Variants in ATP9B observed in about 807,000 individuals in gnomAD.
ATP9B encodes the protein probable phospholipid-transporting ATPase IIB.
A neutral mutation model predicts 146.1 loss-of-function variants in ATP9B; 110 were observed. That is an observed-to-expected ratio of 0.75 (90% CI 0.65 to 0.88). The LOEUF (loss-of-function observed/expected upper bound fraction) is 0.88. Ranked by LOEUF, ATP9B falls within the 40% of genes least tolerant of loss-of-function variation. ATP9B has a pLI of 0.00. For missense variants in ATP9B, 1,499 were observed against 1,496.4 expected (o/e 1.00, Z -0.03); for synonymous variants, 604 against 569.7 (o/e 1.06, Z -0.86).
rs781354962 is a variant in ATP9B at position 79,377,397 on chromosome 18, C to G, written c.*14C>G. On this transcript the variant is annotated 3_prime_UTR_variant, in exon 30 of 30. Transcript: ENST00000426216. ...CTGGCCTCCTAAGGGGCTGTGCACC[C>G]CCAGCGGGCTGGCCCCAGCACCTTC... The G allele has an allele frequency of 8.1e-6, 13 of 1,604,820 alleles. No individual in the cohort carries two copies. The highest frequency in any genetic ancestry group is 9.3e-6 in the Non-Finnish European group (11 of 1,179,872).
intron 7 of ATP9B, among the ~76,000 whole-genome samples, chr18:79,171,917 C>G (rs1270443037): frequency 2.0e-5 from 3 of 150,492 alleles, no homozygotes; most frequent in African/African-American, 7.4e-5. Flanking sequence ...TAGATGGAGT[C>G]TTGCTCTGTC....
intron 27 of ATP9B, among the ~76,000 whole-genome samples, chr18:79,373,422 T>C (rs1319435820): frequency 1.3e-5 from 2 of 152,198 alleles, no homozygotes; most frequent in African/African-American, 4.8e-5. Flanking sequence ...TCCCATCTTA[T>C]TTTGTCCATA....
At chr18:79,278,582 G>A (rs76868243) in intron 13 of ATP9B, among the ~76,000 whole-genome samples, 4,916 of 152,190 alleles carry the variant, frequency 0.032, 118 homozygotes, top group Non-Finnish European at 0.042. Context: ...CTCAAAAGTA[G>A]AAATTCAGTA....
chr18:79,178,673 T>C (rs1342828049), intron 8 of ATP9B, among the ~76,000 whole-genome samples: 1 of 152,194 alleles, frequency 6.6e-6, no homozygotes, highest in African/African-American at 2.4e-5. Flanking sequence ...GTGGACTGAT[T>C]TCATATGTGT....
intron 9 of ATP9B, among the ~76,000 whole-genome samples, chr18:79,197,596 A>G (rs2095428402): frequency 6.6e-6 from 1 of 152,184 alleles, no homozygotes; most frequent in South Asian, 2.1e-4. Flanking sequence ...AACTGTGATA[A>G]GTAAAGGTTG....
intron 5 of ATP9B, among the ~76,000 whole-genome samples, chr18:79,127,020 A>G (rs1483351947): frequency 6.6e-6 from 1 of 152,230 alleles, no homozygotes; most frequent in Non-Finnish European, 1.5e-5. Context: ...AACCTTGGGA[A>G]TGAGGGAGAC....
Position 79,338,307 on chromosome 18 carries a change from A to G in ATP9B, c.2283+858A>G, listed in dbSNP as rs191346869. On this transcript the variant is annotated intron_variant, in intron 19 of 29. Transcript: ENST00000426216. The stretch of plus-strand genomic sequence containing the variant: ...GCCTGGACGTACAGGGCAGGTGCAA[A>G]GCTGCTTGTCCTCCCTCTGGCTCTT... 6.3e-3 allele frequency among the ~76,000 whole-genome samples: 962 copies of G among 152,264 alleles called. 12 individuals are homozygous for G. The highest frequency in any genetic ancestry group is 0.022 in the African/African-American group (925 of 41,556).
rs1304879263 is a variant in ATP9B, at chr18:79,118,384, G to GTTTTTTTTTTTTTT, written c.558+5035_558+5036insTTTTTTTTTTTTTT. Among the ~76,000 whole-genome samples, 10 of 73,490 alleles carry GTTTTTTTTTTTTTT rather than the reference G, an allele frequency of 1.4e-4. 2 individuals are homozygous for GTTTTTTTTTTTTTT. The highest frequency in any genetic ancestry group is 4.8e-4 in the African/African-American group (9 of 18,676). The allele number at this position is 73,490 out of a possible 152,430, so 48.2% of individuals were successfully genotyped here. A position where few individuals can be genotyped will look rare whatever the true frequency, so the allele number is the denominator to read the frequency against. On this transcript the variant is annotated intron_variant, in intron 4 of 29. Transcript: ENST00000426216. ...ATTTTAAAACACAATCATATTGAAC[G>GTTTTTTTTTTTTTT]TTTTTGTTTTTTTTTTTTTTTTTTT...
At chr18:79,296,096 G>A (rs929847786) in intron 13 of ATP9B, among the ~76,000 whole-genome samples, 1 of 152,158 alleles carries the variant, frequency 6.6e-6, no homozygotes, top group Non-Finnish European at 1.5e-5. Context: ...GCTCACTGCA[G>A]CCTCAAACTC....
intron 13 of ATP9B, among the ~76,000 whole-genome samples, chr18:79,295,887 C>A (rs2096544373): frequency 6.6e-6 from 1 of 152,252 alleles, no homozygotes; most frequent in Non-Finnish European, 1.5e-5. Context: ...GACACCAAAT[C>A]TCCTGGTGCC....
In ATP9B at chr18:79,096,350, G is replaced by A. The variant is rs937972110; in HGVS notation, c.120-126G>A. On this transcript the variant is annotated intron_variant, in intron 1 of 29. Coordinates refer to ENST00000426216, the MANE Select transcript of ATP9B (RefSeq NM_198531.5). Reference sequence around the variant, plus strand: ...TTTGCAAAAGAAAGCAGCCTCTGCAGTCTTATTTATAATGCTTTCCCTCAG... The same window carrying A: ...TTTGCAAAAGAAAGCAGCCTCTGCAATCTTATTTATAATGCTTTCCCTCAG... 15 of 906,474 alleles carry A rather than the reference G, an allele frequency of 1.7e-5. No individual in the cohort carries two copies. In the African/African-American group the frequency reaches 2.2e-4, roughly 13 times the overall value. The allele number at this position is 906,474 out of a possible 1,614,324, so 56.2% of individuals were successfully genotyped here.
rs114592853 is a variant in ATP9B at position 79,296,076 on chromosome 18, C to T, written c.1412-7528C>T. Reference sequence around the variant, plus strand: ...TGTGACTCAGGCTGGAGTGCAGTGTCGTGATCACAGCTCACTGCAGCCTCA... The same window carrying T: ...TGTGACTCAGGCTGGAGTGCAGTGTTGTGATCACAGCTCACTGCAGCCTCA... On this transcript the variant is annotated intron_variant, in intron 13 of 29. Coordinates refer to ENST00000426216, the MANE Select transcript of ATP9B (RefSeq NM_198531.5). Among the ~76,000 whole-genome samples the T allele has an allele frequency of 2.4e-3, 371 of 152,234 alleles. 1 individual carries two copies. The highest frequency in any genetic ancestry group is 8.0e-3 in the African/African-American group (334 of 41,504).
chr18:79,220,059 G>C (rs548698321), intron 11 of ATP9B, among the ~76,000 whole-genome samples: 1 of 152,312 alleles, frequency 6.6e-6, no homozygotes, highest in South Asian at 2.1e-4. Context: ...ATAGGCTGCT[G>C]GGCTGGTGCA....
intron 4 of ATP9B, among the ~76,000 whole-genome samples, chr18:79,121,347 A>G (rs2094186006): frequency 6.6e-6 from 1 of 152,234 alleles, no homozygotes; most frequent in African/African-American, 2.4e-5. Flanking sequence ...CCAGGATGAC[A>G]GTAGTTTAAA....
At chr18:79,179,444 G>A (rs1310789205) in intron 8 of ATP9B, among the ~76,000 whole-genome samples, 3 of 151,904 alleles carry the variant, frequency 2.0e-5, no homozygotes, top group Non-Finnish European at 1.5e-5. Context: ...GTTTACCTGT[G>A]TCACACAAAT....
intron 9 of ATP9B, among the ~76,000 whole-genome samples, chr18:79,201,063 T>C (rs948327254): frequency 6.6e-6 from 1 of 152,210 alleles, no homozygotes; most frequent in African/African-American, 2.4e-5. Flanking sequence ...TGTGGGAGGC[T>C]GTGCCACTCA....
At chr18:79,305,431 C>T (rs1025194390) in intron 14 of ATP9B, among the ~76,000 whole-genome samples, 5 of 152,046 alleles carry the variant, frequency 3.3e-5, no homozygotes, top group African/African-American at 1.2e-4. Flanking sequence ...AACAAACATA[C>T]GTACACAGCC....
Position 79,162,980 on chromosome 18 carries a change from G to C in ATP9B, c.778+8425G>C, listed in dbSNP as rs142523324. Among the ~76,000 whole-genome samples the C allele has an allele frequency of 1.0e-3, 156 of 152,320 alleles. 1 individual carries two copies. Among genetic ancestry groups the C allele is most frequent in the African/African-American group, 4.1e-4 (17 of 41,576 alleles). Reference sequence around the variant, plus strand: ...ATTGTCATTAAGCCTGTTGACTCTTGTCAGTTGTATAAAATAAAATCAAGT... The same window carrying C: ...ATTGTCATTAAGCCTGTTGACTCTTCTCAGTTGTATAAAATAAAATCAAGT... On this transcript the variant is annotated intron_variant, in intron 7 of 29. Transcript: ENST00000426216.
chr18:79,373,491 C>CTTT (rs59813494), intron 27 of ATP9B, among the ~76,000 whole-genome samples: 2,472 of 127,756 alleles, frequency 0.019, 47 homozygotes, highest in Non-Finnish European at 0.028. Context: ...CATTATCCGC[C>CTTT]TTTTTTTTTT....
Sources: allele counts gnomAD v4.1 joint callset (sites outside exome capture counted in the v4.1 genomes callset), GRCh38; gene constraint gnomAD v4.1.1; transcripts MANE v1.5; gene names NCBI Gene and HGNC (gene_info 2026-07-23, HGNC 2026-07-21).